The following BAALC variants were observed in gnomAD, a reference collection of about 807,000 sequenced individuals.
BAALC encodes brain and acute leukemia cytoplasmic protein.
In BAALC, 9 loss-of-function variants were observed where a neutral mutation model predicts 15.5. That is an observed-to-expected ratio of 0.58 (90% confidence interval 0.35 to 1.02). The LOEUF (loss-of-function observed/expected upper bound fraction) is 1.02. Ranked by LOEUF, BAALC falls within the 50% of genes least tolerant of loss-of-function variation. BAALC has a pLI of 0.02. For synonymous variants in BAALC, 80 were observed against 74.6 expected, an observed-to-expected ratio of 1.07 and a Z score of -0.37; for missense variants, 201 against 192.4, an observed-to-expected ratio of 1.04 and a Z score of -0.27.
In BAALC at chr8:103,190,446, C is replaced by T. The variant is rs533986174; in HGVS notation, c.161-22473C>T. On this transcript the variant is annotated intron_variant, in intron 1 of 2. Transcript: ENST00000309982. Reference sequence around the variant, plus strand: ...GCCAATTTTCCTTCCTCCAGTCTCACCCGCTTTCATCCATTCTCCTCCATG... The same window carrying T: ...GCCAATTTTCCTTCCTCCAGTCTCATCCGCTTTCATCCATTCTCCTCCATG... 2.6e-5 allele frequency among the ~76,000 whole-genome samples: 4 copies of T among 152,306 alleles called. No individual in the cohort carries two copies. In the South Asian group the frequency reaches 8.3e-4, roughly 32 times the overall value.
At chr8:103,149,414 G>A (rs1328774508) in intron 1 of BAALC, among the ~76,000 whole-genome samples, 1 of 152,178 alleles carries the variant, frequency 6.6e-6, no homozygotes, top group Non-Finnish European at 1.5e-5. Flanking sequence ...TCTTTAGGCA[G>A]AATCATATAT....
chr8:103,151,186 T>G lies in BAALC; in HGVS notation c.160+10129T>G, dbSNP rs1409231659. On this transcript the variant is annotated intron_variant, in intron 1 of 2. Coordinates refer to ENST00000309982, the MANE Select transcript of BAALC (RefSeq NM_024812.3). Reference sequence around the variant, plus strand: ...GCACCTGCCACCACGCCCGGCTAATTTTTTGTATTTTTAGTAGAGATGAGG... The same window carrying G: ...GCACCTGCCACCACGCCCGGCTAATGTTTTGTATTTTTAGTAGAGATGAGG... Among the ~76,000 whole-genome samples the G allele has an allele frequency of 3.3e-5, 5 of 151,814 alleles. No individual in the cohort carries two copies. In the East Asian group the frequency reaches 7.7e-4, roughly 24 times the overall value.
intron 1 of BAALC, among the ~76,000 whole-genome samples, chr8:103,152,905 G>A (rs1161242415): frequency 2.0e-5 from 3 of 152,180 alleles, no homozygotes; most frequent in Non-Finnish European, 4.4e-5. Context: ...GAAGGAGACG[G>A]GCAGAAAGGG....
chr8:103,184,667 G>T (rs114177841), intron 1 of BAALC, among the ~76,000 whole-genome samples: 2,572 of 152,280 alleles, frequency 0.017, 64 homozygotes, highest in African/African-American at 0.056. Context: ...ATGTGCATGA[G>T]CACATGTGAG....
chr8:103,160,225 G>A (rs898216725), intron 1 of BAALC, among the ~76,000 whole-genome samples: 2 of 152,192 alleles, frequency 1.3e-5, no homozygotes, highest in Non-Finnish European at 2.9e-5. Flanking sequence ...ACACTCCACA[G>A]TGTAAGAGCA....
At chr8:103,161,954 GTTTGTTT>G (rs1300691027) in intron 1 of BAALC, among the ~76,000 whole-genome samples, 6 of 79,102 alleles carry the variant, frequency 7.6e-5, no homozygotes, top group East Asian at 2.6e-4. Context: ...CCTGTTCTTT[GTTTGTTT>G]TTTGTTTTTG....
At chr8:103,196,765 T>G (rs914456466) in intron 1 of BAALC, among the ~76,000 whole-genome samples, 44 of 152,176 alleles carry the variant, frequency 2.9e-4, no homozygotes, top group African/African-American at 1.0e-3. Flanking sequence ...CAATCCTCCC[T>G]GGAGCAGAGA....
chr8:103,223,341 C>A (rs1170955877), intron 2 of BAALC, among the ~76,000 whole-genome samples: 2 of 152,036 alleles, frequency 1.3e-5, no homozygotes, highest in Admixed American at 6.6e-5. Context: ...ACTTATCGGC[C>A]CTGGATAAAC....
intron 1 of BAALC, among the ~76,000 whole-genome samples, chr8:103,206,576 A>G (rs1309738863): frequency 1.3e-5 from 2 of 152,182 alleles, no homozygotes; most frequent in Non-Finnish European, 2.9e-5. Context: ...GAGCCTGTTG[A>G]CATGTGCATT....
chr8:103,168,783 C>A (rs1003819344), intron 1 of BAALC, among the ~76,000 whole-genome samples: 4 of 152,104 alleles, frequency 2.6e-5, no homozygotes, highest in Non-Finnish European at 4.4e-5. Context: ...TTCCTGTATT[C>A]TGTGTCTTTC....
Position 103,142,338 on chromosome 8 carries a change from C to T in BAALC, c.160+1281C>T, listed in dbSNP as rs149131523. 6.4e-4 allele frequency among the ~76,000 whole-genome samples: 98 copies of T among 152,310 alleles called. 1 individual carries two copies. The East Asian group carries it at 0.014, about 22-fold the overall frequency. ...TTGAGGACTGTCTGTGAAAGCTGTA[C>T]AATACATTACACTATATTTGTCTCC... On this transcript the variant is annotated intron_variant, in intron 1 of 2. Transcript: ENST00000309982.
chr8:103,149,953 G>T (rs1158788999), intron 1 of BAALC, among the ~76,000 whole-genome samples: 1 of 152,126 alleles, frequency 6.6e-6, no homozygotes, highest in Admixed American at 6.5e-5. Flanking sequence ...TCTCTTTATG[G>T]GTTGTATTAG....
chr8:103,178,669 C>T (rs757578703), intron 1 of BAALC, among the ~76,000 whole-genome samples: 4 of 152,018 alleles, frequency 2.6e-5, no homozygotes, highest in African/African-American at 7.2e-5. Flanking sequence ...CCAGCCTGGC[C>T]AACATGGTGA....
chr8:103,179,064 G>A (rs1811670645), intron 1 of BAALC, among the ~76,000 whole-genome samples: 1 of 152,040 alleles, frequency 6.6e-6, no homozygotes, highest in South Asian at 2.1e-4. Flanking sequence ...TAGTCTTTGG[G>A]GTTCTCTTCT....
chr8:103,198,176 C>CT (rs34491632), intron 1 of BAALC: 34 of 696,066 alleles, frequency 4.9e-5, no homozygotes, highest in African/African-American at 1.2e-4. Flanking sequence ...AAAGGTAGGA[C>CT]TTTTTTTTGT....
chr8:103,223,516 G>C lies in BAALC; in HGVS notation c.328-4473G>C, dbSNP rs890318245. Reference sequence around the variant, plus strand: ...TTGCTGCAGCTAACTGGTAGCAAAGGCTTGCTCCATGTCCAGATCTATCTG... The same window carrying C: ...TTGCTGCAGCTAACTGGTAGCAAAGCCTTGCTCCATGTCCAGATCTATCTG... On this transcript the variant is annotated intron_variant, in intron 2 of 2. Transcript: ENST00000309982. 5.3e-5 allele frequency among the ~76,000 whole-genome samples: 8 copies of C among 152,136 alleles called. 1 individual carries two copies. Among genetic ancestry groups the C allele is most frequent in the African/African-American group, 1.2e-4 (5 of 41,412 alleles).
chr8:103,199,008 T>C (rs1012092159), intron 1 of BAALC, among the ~76,000 whole-genome samples: 7 of 152,256 alleles, frequency 4.6e-5, no homozygotes, highest in Admixed American at 2.0e-4. Flanking sequence ...AATTGCTATA[T>C]AGAATTCCAT....
At chr8:103,207,777 A>G (rs1218954824) in intron 1 of BAALC, among the ~76,000 whole-genome samples, 5 of 152,322 alleles carry the variant, frequency 3.3e-5, no homozygotes, top group Non-Finnish European at 7.4e-5. Context: ...TACACAGGAC[A>G]TATCGCTGGG....
intron 2 of BAALC, among the ~76,000 whole-genome samples, chr8:103,224,531 T>A (rs1812759203): frequency 1.3e-5 from 2 of 152,042 alleles, no homozygotes; most frequent in Non-Finnish European, 2.9e-5. Flanking sequence ...AAATAAATGT[T>A]CAGGTTAAGG....
Sources: gnomAD v4.1 joint callset for allele counts (sites outside exome capture counted in the v4.1 genomes callset) on GRCh38, gnomAD v4.1.1 for gene constraint, MANE v1.5 for transcripts, NCBI Gene and HGNC (gene_info 2026-07-23, HGNC 2026-07-21) for gene names.